The following CLCC1 variants were observed in gnomAD, a reference collection of about 807,000 sequenced individuals.
CLCC1 encodes the protein chloride channel CLIC-like protein 1.
CLCC1 carries 39 observed loss-of-function variants against 63.3 expected under a neutral mutation model. That is an observed-to-expected ratio of 0.62 (90% confidence interval 0.48 to 0.81). CLCC1 has a LOEUF of 0.81. Ranked by LOEUF, CLCC1 falls within the 30% of genes least tolerant of loss-of-function variation. The probability of loss-of-function intolerance (pLI) is 0.00; values close to 1 mark genes in which losing one functional copy is unlikely to be tolerated. For missense variants in CLCC1, 549 were observed against 669.4 expected (o/e 0.82, Z 1.98); for synonymous variants, 217 against 239.8 (o/e 0.90, Z 0.88).
In CLCC1 at chr1:108,957,015, A is replaced by G. The variant is rs560733227; in HGVS notation, c.-12+5294T>C. Among the ~76,000 whole-genome samples, 6 of 151,276 alleles carry G rather than the reference A, an allele frequency of 4.0e-5. No individual in the cohort carries two copies. The East Asian group carries it at 1.2e-3, about 29-fold the overall frequency. On this transcript the variant is annotated intron_variant, in intron 2 of 12. Transcript: ENST00000369969. ...CGTGATAGAATCTGGTTTACATTCT[A>G]AAAGACATTACTATGGCTACTATGT...
Position 108,931,738 on chromosome 1 carries a change from G to C in CLCC1, c.*809C>G, listed in dbSNP as rs534684696. The C allele has an allele frequency of 3.0e-6, 1 of 330,738 alleles. No homozygotes were observed. The highest frequency in any genetic ancestry group is 9.7e-5 in the South Asian group (1 of 10,334). 20.5% of individuals were successfully genotyped at this position (330,738 alleles called of 1,614,324 possible). ...TTTAAAAACTCAGGTAAGTTTCATG[G>C]GGTTCTTATAAGAAAATTCAGTTAA... On this transcript the variant is annotated 3_prime_UTR_variant, in exon 13 of 13. Transcript: ENST00000369969.
At chr1:108,950,230 G>A (rs918132979) in intron 3 of CLCC1, 79 bp downstream of exon 3, 2 of 1,405,070 alleles carry the variant, frequency 1.4e-6, no homozygotes, top group Non-Finnish European at 2.0e-6. Flanking sequence ...TCATAGCTCT[G>A]TGCAAAACAA....
rs1304122800 is a variant in CLCC1 at position 108,930,614 on chromosome 1, C to A, written c.*1933G>T. Reference sequence around the variant, plus strand: ...TATGAAAAATAAATCAGCAGCCAGGCGCAGTGGCTCACACCTGTAATCCCA... The same window carrying A: ...TATGAAAAATAAATCAGCAGCCAGGAGCAGTGGCTCACACCTGTAATCCCA... On this transcript the variant is annotated 3_prime_UTR_variant, in exon 13 of 13. Transcript: ENST00000369969. 2 of 152,210 alleles carry A rather than the reference C, an allele frequency of 1.3e-5. No homozygotes were observed. The highest frequency in any genetic ancestry group is 2.1e-4 in the South Asian group (1 of 4,812). The allele number at this position is 152,210 out of a possible 1,614,324, so 9.4% of individuals were successfully genotyped here.
intron 2 of CLCC1, among the ~76,000 whole-genome samples, chr1:108,953,054 A>C (rs1295350401): frequency 6.6e-6 from 1 of 152,206 alleles, no homozygotes; most frequent in Non-Finnish European, 1.5e-5. Context: ...ACCATATTGG[A>C]CAGGGTGGAT....
In CLCC1 at chr1:108,930,418, C is replaced by G. The variant is rs1271710740; in HGVS notation, c.*2129G>C. ...TACTAAAAATCTAGGTTTTTTTTTC[C>G]TCCATGAAAATCTGTTTTTTTAGGC... On this transcript the variant is annotated 3_prime_UTR_variant, in exon 13 of 13. Transcript: ENST00000369969. 1 of 153,090 alleles carries G rather than the reference C, an allele frequency of 6.5e-6. No homozygotes were observed. The highest frequency in any genetic ancestry group is 2.4e-5 in the African/African-American group (1 of 41,262). 9.5% of individuals were successfully genotyped at this position (153,090 alleles called of 1,614,324 possible).
chr1:108,956,055 T>G (rs1168160012), intron 2 of CLCC1, among the ~76,000 whole-genome samples: 2 of 151,528 alleles, frequency 1.3e-5, no homozygotes, highest in Non-Finnish European at 2.9e-5. Flanking sequence ...CCACCCTCAC[T>G]GTCTCTCTGG....
intron 2 of CLCC1, among the ~76,000 whole-genome samples, chr1:108,960,304 G>A (rs78649113): frequency 0.019 from 2,890 of 152,278 alleles, 98 homozygotes; most frequent in African/African-American, 0.067. Flanking sequence ...GCTAATCAGG[G>A]CAATAGAAGA....
rs1195388922 is a variant in CLCC1, at chr1:108,963,438, C to A, written c.-250G>T. ...CAGAAGAGGTCGCACAGCTTGCCGC[C>A]GCCCAGGGTTTCAGCGTGCTTCCTG... On this transcript the variant is annotated 5_prime_UTR_variant, in exon 1 of 13. Transcript: ENST00000369969. 2 of 702,334 alleles carry A rather than the reference C, an allele frequency of 2.8e-6. No individual in the cohort carries two copies. The highest frequency in any genetic ancestry group is 3.5e-5 in the African/African-American group (2 of 57,276). 43.5% of individuals were successfully genotyped at this position (702,334 alleles called of 1,614,324 possible).
chr1:108,938,885 T>C (rs1653388475), intron 10 of CLCC1, among the ~76,000 whole-genome samples: 1 of 152,120 alleles, frequency 6.6e-6, no homozygotes. Flanking sequence ...TGCTATGACA[T>C]ATGCAATCAA....
Position 108,947,678 on chromosome 1 carries a change from C to T in CLCC1, c.272G>A (p.Ser91Asn). The T allele has an allele frequency of 1.2e-6, 2 of 1,611,278 alleles. No homozygotes were observed. Among genetic ancestry groups the T allele is most frequent in the East Asian group, 2.2e-5 (1 of 44,844 alleles). The change falls in exon 5 of 13, where the codon AGT becomes AAT. Residue 91 changes from serine (S) to asparagine (N), a missense_variant. Ser to Asn is a conservative substitution (Grantham distance 46). Coordinates refer to ENST00000369969, the MANE Select transcript of CLCC1 (RefSeq NM_001377458.1). ...CEKKKREDYE[S>N]QSNPVFRRYL... ...TCTCCTAAAAACAGGATTGCTTTGA[C>T]TTTCATAGTCTTCCCTCTTTTTCTT... is the stretch of plus-strand genomic sequence containing the variant.
chr1:108,935,205 A>T (rs1302000603), intron 11 of CLCC1, among the ~76,000 whole-genome samples: 1 of 152,240 alleles, frequency 6.6e-6, no homozygotes, highest in Non-Finnish European at 1.5e-5. Flanking sequence ...AGAATTGGTC[A>T]TCAGTATTGT....
At chr1:108,944,098 T>C in intron 5 of CLCC1, 41 bp from the exon 6 acceptor site, 1 of 1,409,170 alleles carries the variant, frequency 7.1e-7, no homozygotes, top group South Asian at 1.3e-5. Flanking sequence ...AGAAAGAGAA[T>C]TTTATTACTA....
intron 2 of CLCC1, among the ~76,000 whole-genome samples, chr1:108,961,556 A>AAT (rs1478220867): frequency 6.6e-6 from 1 of 152,166 alleles, no homozygotes; most frequent in East Asian, 1.9e-4. Context: ...TTTAAATTAT[A>AAT]ATATGTATAA....
chr1:108,958,025 A>C (rs1375864720), intron 2 of CLCC1, among the ~76,000 whole-genome samples: 1 of 151,380 alleles, frequency 6.6e-6, no homozygotes, highest in African/African-American at 2.5e-5. Context: ...TTCAGAAGCC[A>C]AGTGAAGAAA....
Position 108,963,446 on chromosome 1 carries a change from G to T in CLCC1, c.-258C>A, listed in dbSNP as rs1034057380. ...GTCGCACAGCTTGCCGCCGCCCAGG[G>T]TTTCAGCGTGCTTCCTGGGCCTCGT... is the stretch of plus-strand genomic sequence containing the variant. On this transcript the variant is annotated 5_prime_UTR_variant, in exon 1 of 13. Transcript: ENST00000369969. 4.8e-5 allele frequency: 34 copies of T among 702,250 alleles called. No individual in the cohort carries two copies. The highest frequency in any genetic ancestry group is 8.3e-5 in the Non-Finnish European group (32 of 384,810). The allele number at this position is 702,250 out of a possible 1,614,324, so 43.5% of individuals were successfully genotyped here. A position where few individuals can be genotyped will look rare whatever the true frequency, so the allele number is the denominator to read the frequency against.
At chr1:108,958,379 G>C (rs9729930) in intron 2 of CLCC1, among the ~76,000 whole-genome samples, 6,710 of 151,492 alleles carry the variant, frequency 0.044, 751 homozygotes, top group African/African-American at 0.15. Flanking sequence ...TCCCACATGG[G>C]ACGATGTCCA....
intron 11 of CLCC1, among the ~76,000 whole-genome samples, chr1:108,935,942 TG>T (rs1225475215): frequency 2.0e-5 from 3 of 152,024 alleles, no homozygotes. Flanking sequence ...GTAGTGGATG[TG>T]GGGGAAGGGG....
At chr1:108,944,920 C>T (rs989552427) in intron 5 of CLCC1, among the ~76,000 whole-genome samples, 4 of 152,236 alleles carry the variant, frequency 2.6e-5, no homozygotes, top group African/African-American at 9.6e-5. Flanking sequence ...TGAGCCACTG[C>T]ACCCGGCCTC....
chr1:108,937,871 T>C (rs1438146611), intron 10 of CLCC1, among the ~76,000 whole-genome samples: 2 of 152,188 alleles, frequency 1.3e-5, no homozygotes, highest in East Asian at 1.9e-4. Flanking sequence ...ATTCAACAGG[T>C]TTTGATTCAC....
Sources: gnomAD v4.1 joint callset for allele counts (sites outside exome capture counted in the v4.1 genomes callset) on GRCh38, gnomAD v4.1.1 for gene constraint, MANE v1.5 for transcripts, NCBI Gene and HGNC (gene_info 2026-07-23, HGNC 2026-07-21) for gene names.